The following VPS13B variants were observed in gnomAD, a reference collection of about 807,000 sequenced individuals.
VPS13B encodes the protein vacuolar protein sorting 13 homolog B.
In VPS13B, 285 loss-of-function variants were observed where a neutral mutation model predicts 426.4. The ratio of observed to expected loss-of-function variants is 0.67; its 90% CI spans 0.61 to 0.74. The LOEUF is 0.74. VPS13B is among the 30% of genes least tolerant of loss of function. The pLI is 0.00. For missense variants in VPS13B, 4,537 were observed against 4,782.6 expected (o/e 0.95, Z 1.51); for synonymous variants, 1,676 against 1,676.4 (o/e 1.00, Z 0.01).
chr8:99,399,633 G>T (rs571042518), intron 21 of VPS13B, among the ~76,000 whole-genome samples: 1 of 151,886 alleles, frequency 6.6e-6, no homozygotes, highest in Non-Finnish European at 1.5e-5. Flanking sequence ...TTTTATAGCC[G>T]TATCTATCAA....
intron 44 of VPS13B, among the ~76,000 whole-genome samples, chr8:99,812,244 T>C (rs1431499190): frequency 8.5e-5 from 13 of 152,198 alleles, no homozygotes; most frequent in Admixed American, 7.2e-4. Flanking sequence ...TAATTTTTGC[T>C]GTCAGGGTAG....
At chr8:99,261,326 C>A (rs1206208992) in intron 17 of VPS13B, among the ~76,000 whole-genome samples, 25 of 152,102 alleles carry the variant, frequency 1.6e-4, no homozygotes, top group Non-Finnish European at 1.5e-5. Context: ...GGTCTTTTTA[C>A]TGTTTCTGTA....
Position 99,791,679 on chromosome 8 carries a change from G to T in VPS13B, c.7941+7203G>T, listed in dbSNP as rs62534610. On this transcript the variant is annotated intron_variant, in intron 43 of 61. Transcript: ENST00000357162. Reference sequence around the variant, plus strand: ...AAATGATATAAATGCCTAAGAAACTGATATTTCTGTGAATAACAGCAACAC... The same window carrying T: ...AAATGATATAAATGCCTAAGAAACTTATATTTCTGTGAATAACAGCAACAC... Among the ~76,000 whole-genome samples the T allele has an allele frequency of 9.1e-3, 1,238 of 136,006 alleles. 8 individuals are homozygous for T. Among genetic ancestry groups the T allele is most frequent in the Admixed American group, 0.014 (182 of 12,750 alleles). 89.2% of individuals were successfully genotyped at this position (136,006 alleles called of 152,430 possible).
rs539266743 is a variant in VPS13B at position 99,836,916 on chromosome 8, G to C, written c.9942+1178G>C. On this transcript the variant is annotated intron_variant, in intron 54 of 61. Transcript: ENST00000357162. Reference sequence around the variant, plus strand: ...AAACTAAGACCTCCAGAAGTACCTTGGTCTAATTTGCATGTAGTGGAAGCA... The same window carrying C: ...AAACTAAGACCTCCAGAAGTACCTTCGTCTAATTTGCATGTAGTGGAAGCA... Among the ~76,000 whole-genome samples, 3 of 152,272 alleles carry C rather than the reference G, an allele frequency of 2.0e-5. No individual in the cohort carries two copies. The East Asian group carries it at 5.8e-4, about 29-fold the overall frequency.
At chr8:99,042,498 C>G (rs1843005489) in intron 3 of VPS13B, among the ~76,000 whole-genome samples, 3 of 152,046 alleles carry the variant, frequency 2.0e-5, no homozygotes, top group Admixed American at 1.3e-4. Context: ...ATCCTTTTAT[C>G]TCATGTACCT....
At position 99,501,744 on chromosome 8, in the gene VPS13B, C is replaced by G; in HGVS notation, c.3928C>G (p.Gln1310Glu). 6.2e-7 allele frequency: 1 copy of G among 1,614,056 alleles called. No homozygotes were observed. Among genetic ancestry groups the G allele is most frequent in the Non-Finnish European group, 8.5e-7 (1 of 1,180,002 alleles). ...ATTCTCAGATTCTGTGACCTTGGAA[C>G]AAACTACAAGTAATATTGGAGGAAC... ...SPFSDSVTLE[Q>E]TTSNIGGTSG... is the part of the protein sequence containing the mutation. Residue 1310 changes from glutamine to glutamate, a missense_variant, in exon 26 of 62, where the codon CAA (glutamine) becomes GAA (glutamate). Physicochemically the swap from Gln to Glu is conservative, Grantham distance 29 (BLOSUM62 2). Transcript: ENST00000357162.
At chr8:99,803,057 C>A (rs910565433) in intron 43 of VPS13B, among the ~76,000 whole-genome samples, 4 of 152,110 alleles carry the variant, frequency 2.6e-5, no homozygotes, top group Non-Finnish European at 5.9e-5. Flanking sequence ...CCTAATGCTG[C>A]CAAATTTTTA....
At chr8:99,368,002 A>G (rs968601138) in intron 19 of VPS13B, among the ~76,000 whole-genome samples, 2 of 152,186 alleles carry the variant, frequency 1.3e-5, no homozygotes, top group Admixed American at 6.5e-5. Context: ...GAACCATGCC[A>G]CTCCAAGGAG....
intron 34 of VPS13B, among the ~76,000 whole-genome samples, chr8:99,654,877 T>G (rs539045609): frequency 2.1e-4 from 32 of 149,916 alleles, no homozygotes; most frequent in Non-Finnish European, 3.1e-4. Flanking sequence ...AAAAAAACTG[T>G]CTAGGAACAA....
chr8:99,428,638 G>A (rs1271915076), intron 21 of VPS13B, among the ~76,000 whole-genome samples: 3 of 152,154 alleles, frequency 2.0e-5, no homozygotes, highest in Non-Finnish European at 4.4e-5. Flanking sequence ...GAAACAACAG[G>A]TGCTGGAGAG....
intron 2 of VPS13B, among the ~76,000 whole-genome samples, chr8:99,015,374 G>A (rs1413923777): frequency 5.3e-5 from 8 of 151,236 alleles, no homozygotes; most frequent in African/African-American, 1.9e-4. Flanking sequence ...CCGCCACCAC[G>A]CCTGGCTAAT....
chr8:99,764,409 CTT>C (rs1009917177), intron 39 of VPS13B, among the ~76,000 whole-genome samples: 8 of 111,686 alleles, frequency 7.2e-5, no homozygotes, highest in African/African-American at 1.4e-4. Flanking sequence ...GAGAGAGATT[CTT>C]TTTTTTTTTT....
intron 2 of VPS13B, among the ~76,000 whole-genome samples, chr8:99,025,667 A>G (rs1317922529): frequency 6.6e-6 from 1 of 152,192 alleles, no homozygotes; most frequent in East Asian, 1.9e-4. Context: ...AGTGGAATTC[A>G]GTAGTGAAGC....
chr8:99,116,201 AT>A (rs5893479), intron 7 of VPS13B, among the ~76,000 whole-genome samples: 37 of 146,158 alleles, frequency 2.5e-4, no homozygotes, highest in Admixed American at 4.8e-4. Flanking sequence ...GTAATTTTGT[AT>A]TTTTTTTTTT....
At chr8:99,732,595 A>G (rs1419276310) in intron 39 of VPS13B, among the ~76,000 whole-genome samples, 4 of 152,186 alleles carry the variant, frequency 2.6e-5, no homozygotes, top group African/African-American at 9.7e-5. Flanking sequence ...CACAGCCATA[A>G]CACCAAGGAA....
intron 42 of VPS13B, among the ~76,000 whole-genome samples, chr8:99,779,596 A>AT (rs1373058282): frequency 3.9e-5 from 6 of 152,288 alleles, no homozygotes; most frequent in Non-Finnish European, 7.3e-5. Context: ...TATTTTAATA[A>AT]TTTTTTAACT....
intron 19 of VPS13B, among the ~76,000 whole-genome samples, chr8:99,298,044 GT>G (rs1820139466): frequency 6.6e-6 from 1 of 152,246 alleles, no homozygotes; most frequent in South Asian, 2.1e-4. Context: ...TTAAAGGCAT[GT>G]TTTGGTGCAT....
intron 22 of VPS13B, among the ~76,000 whole-genome samples, chr8:99,432,592 C>G (rs1055339759): frequency 2.6e-5 from 4 of 152,152 alleles, no homozygotes; most frequent in Admixed American, 6.5e-5. Flanking sequence ...ACCTAGTAGT[C>G]AAACTACTGA....
chr8:99,135,357 T>TCCAAAGA (rs1810020989), intron 10 of VPS13B, among the ~76,000 whole-genome samples: 4 of 152,228 alleles, frequency 2.6e-5, no homozygotes, highest in African/African-American at 9.6e-5. Flanking sequence ...TTCCAACTAC[T>TCCAAAGA]TTCTTATTCA....
Sources: gnomAD v4.1 joint callset for allele counts (sites outside exome capture counted in the v4.1 genomes callset) on GRCh38, gnomAD v4.1.1 for gene constraint, MANE v1.5 for transcripts, NCBI Gene and HGNC (gene_info 2026-07-23, HGNC 2026-07-21) for gene names.